Variants in COL18A1 observed in about 807,000 individuals in gnomAD.
COL18A1 encodes the protein collagen alpha-1(XVIII) chain.
In COL18A1, 133 loss-of-function variants were observed where a neutral mutation model predicts 168.0. The ratio of observed to expected loss-of-function variants is 0.79; its 90% confidence interval spans 0.69 to 0.91. The LOEUF (loss-of-function observed/expected upper bound fraction) is 0.91. Among genes scored for constraint, COL18A1 ranks in the 40% least tolerant of loss-of-function variants. COL18A1 has a pLI of 0.00. For synonymous variants in COL18A1, 949 were observed against 809.0 expected, an observed-to-expected ratio of 1.17 and a Z score of -2.94; for missense variants, 2,126 against 1,925.4, an observed-to-expected ratio of 1.10 and a Z score of -1.95.
intron 37 of COL18A1, chr21:45,507,285 G>A (rs2037269072): frequency 3.7e-6 from 2 of 537,956 alleles, no homozygotes; most frequent in Admixed American, 6.0e-5. Flanking sequence ...TGGACTGGGA[G>A]GGCCGGGTGC....
chr21:45,480,245 C>G, intron 11 of COL18A1, 89 bp downstream of exon 11: 1 of 1,132,282 alleles, frequency 8.8e-7, no homozygotes, highest in Non-Finnish European at 1.3e-6. Context: ...CAGCTCCACC[C>G]TCAGGGGCTT....
intron 22 of COL18A1, 75 bp from the exon 23 acceptor site, chr21:45,492,460 C>G: frequency 6.5e-7 from 1 of 1,546,840 alleles, no homozygotes; most frequent in South Asian, 1.1e-5. Flanking sequence ...TTTTGTTGAT[C>G]TGTAAGTCGC....
Position 45,509,510 on chromosome 21 carries a change from C to A in COL18A1, c.3404C>A (p.Pro1135His), listed in dbSNP as rs757216963. ...CGCCTGCCCGAGCCCCAGCCCTACC[C>A]CGGAGCCCCGCACCACAGCTCCTAC... is the stretch of plus-strand genomic sequence containing the variant. ...PPRLPEPQPY[P>H]GAPHHSSYVH... The change falls in exon 39 of 42, where the codon CCC (proline) becomes CAC (histidine). Residue 1135 changes from proline to histidine, a missense_variant. Physicochemically the swap from Pro to His is moderately conservative, Grantham distance 77 (BLOSUM62 -2). Transcript: ENST00000651438. 6.5e-7 allele frequency: 1 copy of A among 1,533,342 alleles called. No individual in the cohort carries two copies. Among genetic ancestry groups the A allele is most frequent in the East Asian group, 2.4e-5 (1 of 41,864 alleles). 95.0% of individuals were successfully genotyped at this position (1,533,342 alleles called of 1,614,324 possible).
At chr21:45,470,848 C>T (rs1045499925) in intron 3 of COL18A1, among the ~76,000 whole-genome samples, 3 of 152,130 alleles carry the variant, frequency 2.0e-5, no homozygotes, top group Non-Finnish European at 4.4e-5. Context: ...CTTACAACAG[C>T]CCAGTGAAAC....
rs192525226 is a variant in COL18A1, at chr21:45,416,351, C to T, written c.106+10878C>T. 8.6e-5 allele frequency among the ~76,000 whole-genome samples: 13 copies of T among 151,982 alleles called. No homozygotes were observed. In the South Asian group the frequency reaches 1.9e-3, roughly 22 times the overall value. ...CCCAGTGTCCTTTGTGAACTGGGGC[C>T]GGTGTGGGGGTGGCCGGGGCACAGT... is the stretch of plus-strand genomic sequence containing the variant. On this transcript the variant is annotated intron_variant, in intron 2 of 41. Transcript: ENST00000651438.
chr21:45,481,553 A>G (rs3818659), intron 13 of COL18A1, among the ~76,000 whole-genome samples: 46,839 of 152,158 alleles, frequency 0.31, 7,381 homozygotes, highest in African/African-American at 0.39. Flanking sequence ...ACCGATGGGC[A>G]TTCACCGTCA....
chr21:45,507,321 G>A (rs1359336602), intron 37 of COL18A1: 2 of 596,374 alleles, frequency 3.4e-6, no homozygotes, highest in Non-Finnish European at 6.1e-6. Context: ...CCCTCCTGTG[G>A]GCTGGCAGGG....
chr21:45,496,554 G>A lies in COL18A1; in HGVS notation c.2563G>A (p.Val855Ile), dbSNP rs780665070. 2 of 1,501,484 alleles carry A rather than the reference G, an allele frequency of 1.3e-6. No individual in the cohort carries two copies. The highest frequency in any genetic ancestry group is 2.2e-5 in the South Asian group (2 of 89,010). 93.0% of individuals were successfully genotyped at this position (1,501,484 alleles called of 1,614,324 possible). Reference sequence around the variant, plus strand: ...GCCCCCAGGCCCTCCAGGGACTCCTGTTTACGACAGCAATGTAAGTCCCCA... The same window carrying A: ...GCCCCCAGGCCCTCCAGGGACTCCTATTTACGACAGCAATGTAAGTCCCCA... Reference protein sequence around the residue: ...PGPPGPPGTPVYDSNVFAESS... With the variant: ...PGPPGPPGTPIYDSNVFAESS... The change falls in exon 30 of 42, where the codon GTT (valine) becomes ATT (isoleucine). Residue 855 changes from valine to isoleucine, a missense_variant. Transcript: ENST00000651438.
chr21:45,510,228 C>A lies in COL18A1; in HGVS notation c.3660C>A (p.Ala1220=). 6.2e-7 allele frequency: 1 copy of A among 1,606,438 alleles called. No individual in the cohort carries two copies. Among genetic ancestry groups the A allele is most frequent in the South Asian group, 1.1e-5 (1 of 89,944 alleles). Residue 1220 remains alanine, a synonymous_variant, in exon 40 of 42, where the codon GCC becomes GCA. Transcript: ENST00000651438. The part of the protein sequence containing the change: ...LQDLYSIVRR[A]DRAAVPIVNL... The stretch of plus-strand genomic sequence containing the variant: ...ACCTGTACAGCATCGTGCGCCGTGC[C>A]GACCGCGCAGCCGTGCCCATCGTCA...
intron 34 of COL18A1, 87 bp downstream of exon 34, chr21:45,504,643 C>T (rs1186666753): frequency 8.3e-7 from 1 of 1,203,210 alleles, no homozygotes; most frequent in Non-Finnish European, 1.2e-6. Context: ...CCTTCGACAC[C>T]CGCGAAGGCC....
At chr21:45,492,267 A>G (rs145968833) in intron 22 of COL18A1, among the ~76,000 whole-genome samples, 1 of 152,216 alleles carries the variant, frequency 6.6e-6, no homozygotes, top group Non-Finnish European at 1.5e-5. Context: ...CCGGCAAGCA[A>G]GGGAGCGTCT....
At position 45,412,233 on chromosome 21, in the gene COL18A1, ATTTC is replaced by A. The variant is rs201283350; in HGVS notation, c.106+6764_106+6767del. Among the ~76,000 whole-genome samples the A allele has an allele frequency of 1.7e-4, 16 of 96,134 alleles. 1 individual carries two copies. The highest frequency in any genetic ancestry group is 2.7e-4 in the African/African-American group (7 of 26,356). 63.1% of individuals were successfully genotyped at this position (96,134 alleles called of 152,430 possible). ...ATGATATTTCTTTAACTGGGGGTATATTTCTTTTTTTTTTTTTTTTCGAGATGGA... is the reference window on the plus strand; with the variant it reads ...ATGATATTTCTTTAACTGGGGGTATATTTTTTTTTTTTTTTTCGAGATGGA... On this transcript the variant is annotated intron_variant, in intron 2 of 41. Coordinates refer to ENST00000651438, the MANE Select transcript of COL18A1 (RefSeq NM_001379500.1).
At position 45,425,378 on chromosome 21, in the gene COL18A1, G is replaced by C. The variant is rs929235306; in HGVS notation, c.106+19905G>C. 3.3e-5 allele frequency among the ~76,000 whole-genome samples: 5 copies of C among 152,302 alleles called. No homozygotes were observed. Among genetic ancestry groups the C allele is most frequent in the Non-Finnish European group, 7.4e-5 (5 of 68,024 alleles). ...GACTGGGCTCCCCTGGAGGACCCTG[G>C]TGCTGACACAGAGTCAGCGGGTCCC... On this transcript the variant is annotated intron_variant, in intron 2 of 41. Transcript: ENST00000651438. This position sits in a 1 kb window ranked among gnomAD's most constrained non-coding sequence, Gnocchi z 4.1.
At chr21:45,459,576 T>C (rs1014958204) in intron 2 of COL18A1, among the ~76,000 whole-genome samples, 1 of 152,174 alleles carries the variant, frequency 6.6e-6, no homozygotes, top group Admixed American at 6.5e-5. Flanking sequence ...TGGGGGACAG[T>C]GCAGCCGTGC....
chr21:45,490,917 C>T lies in COL18A1; in HGVS notation c.2067+46C>T, dbSNP rs368894350. 3.9e-4 allele frequency: 595 copies of T among 1,532,652 alleles called. 1 individual carries two copies. The African/African-American group carries it at 6.5e-3, about 17-fold the overall frequency. The allele number at this position is 1,532,652 out of a possible 1,614,324, so 94.9% of individuals were successfully genotyped here. ...TGGATGGGGATGGGGGGCGCTGGGA[C>T]ATCCCAGAAGGTTTGGCCTCAGCTG... On this transcript the variant is annotated intron_variant, in intron 21 of 41. Coordinates refer to ENST00000651438, the MANE Select transcript of COL18A1 (RefSeq NM_001379500.1).
rs1491487494 is a variant in COL18A1 at position 45,405,327 on chromosome 21, T to TGCGGGGGTCCTGCGGGGGTC, written c.12-43_12-42insCTGCGGGGGTCGCGGGGGTC. The TGCGGGGGTCCTGCGGGGGTC allele has an allele frequency of 6.0e-4, 616 of 1,027,212 alleles. 5 individuals carry two copies. The highest frequency in any genetic ancestry group is 8.7e-4 in the Admixed American group (18 of 20,588). The allele number at this position is 1,027,212 out of a possible 1,614,324, so 63.6% of individuals were successfully genotyped here. A position where few individuals can be genotyped will look rare whatever the true frequency, so the allele number is the denominator to read the frequency against. On this transcript the variant is annotated intron_variant, in intron 1 of 41. Transcript: ENST00000651438. Reference sequence around the variant, plus strand: ...GGGGTCGCGGGGCTCGGCCGGGTCCTGCGGGGGTCGCGGGGGTCCTGCGGG... The same window carrying TGCGGGGGTCCTGCGGGGGTC: ...GGGGTCGCGGGGCTCGGCCGGGTCCTGCGGGGGTCCTGCGGGGGTCGCGGGGGTCGCGGGGGTCCTGCGGG...
At chr21:45,508,100 ATGGTGGTCAGGCGGGTGAGTGGACGGG>A (rs1269541793) in intron 38 of COL18A1, among the ~76,000 whole-genome samples, 1 of 114,600 alleles carries the variant, frequency 8.7e-6, no homozygotes, top group East Asian at 3.2e-4. Flanking sequence ...GAGTGGATGG[ATGGTGGTCAGGCGGGTGAGTGGACGGG>A]TGGGTGGGTG....
Position 45,476,500 on chromosome 21 carries a change from TGGTGTGTGTGTGGTGTGG to T in COL18A1, c.928+31_928+48del, listed in dbSNP as rs1456330694. 1 of 1,582,074 alleles carries T rather than the reference TGGTGTGTGTGTGGTGTGG, an allele frequency of 6.3e-7. No homozygotes were observed. Among genetic ancestry groups the T allele is most frequent in the Non-Finnish European group, 8.6e-7 (1 of 1,163,380 alleles). On this transcript the variant is annotated intron_variant, in intron 6 of 41. Coordinates refer to ENST00000651438, the MANE Select transcript of COL18A1 (RefSeq NM_001379500.1). ...TAGGAGGTAAGCTCTTTTCTGGATGTGGTGTGTGTGTGGTGTGGGGTGTGTGTGGTGTGTAACGTGTGT... is the reference window on the plus strand; with the variant it reads ...TAGGAGGTAAGCTCTTTTCTGGATGTGGTGTGTGTGGTGTGTAACGTGTGT...
chr21:45,428,361 T>A (rs563793453), intron 2 of COL18A1, among the ~76,000 whole-genome samples: 1 of 152,324 alleles, frequency 6.6e-6, no homozygotes, highest in South Asian at 2.1e-4. Flanking sequence ...GGATGGGGTC[T>A]CTGGGATCAG....
Sources: gnomAD v4.1 joint callset for allele counts (sites outside exome capture counted in the v4.1 genomes callset) on GRCh38, gnomAD v4.1.1 for gene constraint, Gnocchi (gnomAD v3.1) non-coding constraint, MANE v1.5 for transcripts, NCBI Gene and HGNC (gene_info 2026-07-23, HGNC 2026-07-21) for gene names.